PCDHA9: variants seen among roughly 807,000 people sequenced by gnomAD.
The protein encoded by PCDHA9 is protocadherin alpha 9, also known as protocadherin alpha-9.
In PCDHA9, 62 loss-of-function variants were observed where a neutral mutation model predicts 62.0. The ratio of observed to expected loss-of-function variants is 1.00; its 90% CI spans 0.81 to 1.23. The LOEUF (loss-of-function observed/expected upper bound fraction) is 1.23, where lower values mean the gene tolerates loss of function less well. PCDHA9 is among the 50% of genes most tolerant of loss of function. The probability of loss-of-function intolerance (pLI) is 0.00; values close to 1 mark genes in which losing one functional copy is unlikely to be tolerated. For missense variants in PCDHA9, 1,205 were observed against 1,249.8 expected (o/e 0.96, Z 0.54); for synonymous variants, 557 against 567.6 (o/e 0.98, Z 0.27).
rs2040583064 is a variant in PCDHA9, at chr5:140,848,750, T to A, written c.255T>A (p.Phe85Leu). ...LEVNLQNGIL[F>L]VNSRIDREEL... ...TAAATCTGCAGAATGGCATTTTGTT[T>A]GTGAATTCTCGGATCGACCGCGAGG... is the stretch of plus-strand genomic sequence containing the variant. Residue 85 changes from phenylalanine to leucine, a missense_variant, in exon 1 of 4, where the codon TTT becomes TTA. Phe to Leu is a conservative substitution (Grantham distance 22). Around this residue, in one of 3 missense-constraint regions of PCDHA9, gnomAD observed 208 missense variants for 213.2 expected, o/e 0.98. Coordinates refer to ENST00000532602, the MANE Select transcript of PCDHA9 (RefSeq NM_031857.2). 5 of 1,593,288 alleles carry A rather than the reference T, an allele frequency of 3.1e-6. 1 individual carries two copies. The highest frequency in any genetic ancestry group is 4.3e-6 in the Non-Finnish European group (5 of 1,163,954).
At chr5:140,870,618 C>A in intron 1 of PCDHA9, 1 of 1,613,174 alleles carries the variant, frequency 6.2e-7, no homozygotes, top group Non-Finnish European at 8.5e-7. Context: ...CGCTGTCGAG[C>A]TACGTGTCGG....
intron 1 of PCDHA9, chr5:140,856,230 G>C (rs17844339): frequency 1.3e-6 from 2 of 1,597,950 alleles, no homozygotes; most frequent in African/African-American, 1.3e-5. Flanking sequence ...CTGGTGCAGC[G>C]CCTGTTCCGG....
chr5:140,884,586 G>A (rs782106355), intron 1 of PCDHA9: 1 of 1,614,250 alleles, frequency 6.2e-7, no homozygotes, highest in Admixed American at 1.7e-5. Flanking sequence ...ATGGCCTTCA[G>A]TCCCAGCCTT....
At chr5:141,005,861 C>T (rs921854027) in intron 3 of PCDHA9, among the ~76,000 whole-genome samples, 2 of 151,860 alleles carry the variant, frequency 1.3e-5, no homozygotes, top group Admixed American at 6.6e-5. Flanking sequence ...ACAGGAGGGT[C>T]GATTGAGTCC....
At chr5:140,879,329 T>A (rs2057946411) in intron 1 of PCDHA9, among the ~76,000 whole-genome samples, 1 of 152,182 alleles carries the variant, frequency 6.6e-6, no homozygotes, top group Non-Finnish European at 1.5e-5. Context: ...ACTTTTTTAG[T>A]TTGTTCAGCT....
chr5:140,888,606 G>A (rs2061900283), intron 1 of PCDHA9, among the ~76,000 whole-genome samples: 2 of 152,180 alleles, frequency 1.3e-5, no homozygotes, highest in African/African-American at 4.8e-5. Context: ...GCAGCTTTTA[G>A]TGTAGCACTA....
At chr5:140,979,063 A>G (rs1245308340) in intron 2 of PCDHA9, 56 bp downstream of exon 2, 3 of 1,604,438 alleles carry the variant, frequency 1.9e-6, no homozygotes, top group East Asian at 4.5e-5. Context: ...TATGGCTCAG[A>G]TAAACTGCAT....
At chr5:141,000,422 T>TATC (rs1491457105) in intron 3 of PCDHA9, among the ~76,000 whole-genome samples, 2 of 51,852 alleles carry the variant, frequency 3.9e-5, no homozygotes, top group African/African-American at 1.7e-4. Context: ...TATATATATA[T>TATC]TTTTTTTTTT....
chr5:140,932,493 T>C (rs148938081), intron 1 of PCDHA9, among the ~76,000 whole-genome samples: 1 of 151,888 alleles, frequency 6.6e-6, no homozygotes, highest in Non-Finnish European at 1.5e-5. Flanking sequence ...CTTTGCAATG[T>C]CATTTGTTAA....
rs1554169929 is a variant in PCDHA9 at position 140,877,625 on chromosome 5, A to G, written c.2394+26736A>G. On this transcript the variant is annotated intron_variant, in intron 1 of 3. Coordinates refer to ENST00000532602, the MANE Select transcript of PCDHA9 (RefSeq NM_031857.2). ...CTGCTGGTGCTCACGCTGCTGCTGT[A>G]CACTGCGCTGCGTTGCTCAGCGCCG... 6.2e-7 allele frequency: 1 copy of G among 1,613,774 alleles called. No individual in the cohort carries two copies. Among genetic ancestry groups the G allele is most frequent in the Non-Finnish European group, 8.5e-7 (1 of 1,179,852 alleles).
At chr5:140,993,793 T>C (rs2097582526) in intron 3 of PCDHA9, among the ~76,000 whole-genome samples, 1 of 152,184 alleles carries the variant, frequency 6.6e-6, no homozygotes, top group African/African-American at 2.4e-5. Context: ...TAACATGCTG[T>C]GCAGGTTTGT....
intron 1 of PCDHA9, among the ~76,000 whole-genome samples, chr5:140,899,834 G>T (rs181729880): frequency 6.6e-6 from 1 of 152,198 alleles, no homozygotes; most frequent in Admixed American, 6.5e-5. Context: ...TTTGAGACAG[G>T]TCTTGCTGTG....
At chr5:140,960,400 G>T (rs566510688) in intron 1 of PCDHA9, among the ~76,000 whole-genome samples, 4 of 152,114 alleles carry the variant, frequency 2.6e-5, no homozygotes, top group African/African-American at 9.6e-5. Context: ...ATGCAAGGGG[G>T]GGTGCCCAAA....
chr5:140,854,841 T>C (rs2043239245), intron 1 of PCDHA9, among the ~76,000 whole-genome samples: 1 of 149,832 alleles, frequency 6.7e-6, no homozygotes, highest in South Asian at 2.1e-4. Context: ...TTCACTGACA[T>C]TGATAAAATT....
intron 1 of PCDHA9, among the ~76,000 whole-genome samples, chr5:140,921,151 AT>A (rs11299094): frequency 0.63 from 94,902 of 151,506 alleles, 30,179 homozygotes; most frequent in African/African-American, 0.71. Flanking sequence ...CAGCTAATGC[AT>A]TTTTTTTTTA....
intron 1 of PCDHA9, among the ~76,000 whole-genome samples, chr5:140,959,410 T>C (rs564453268): frequency 6.6e-5 from 10 of 152,300 alleles, no homozygotes; most frequent in Non-Finnish European, 1.3e-4. Flanking sequence ...AAGTGTTGAT[T>C]GATCTGAGAA....
At chr5:140,872,485 G>A (rs978511800) in intron 1 of PCDHA9, among the ~76,000 whole-genome samples, 1 of 152,080 alleles carries the variant, frequency 6.6e-6, no homozygotes, top group Non-Finnish European at 1.5e-5. Flanking sequence ...AAATTAGCCA[G>A]ACCTAGTGGT....
At chr5:140,915,533 G>C (rs1200323853) in intron 1 of PCDHA9, among the ~76,000 whole-genome samples, 1 of 152,018 alleles carries the variant, frequency 6.6e-6, no homozygotes, top group Non-Finnish European at 1.5e-5. Flanking sequence ...GTACCATCTT[G>C]GAGGTCTTGA....
chr5:140,863,128 C>A, intron 1 of PCDHA9: 1 of 598,142 alleles, frequency 1.7e-6, no homozygotes, highest in South Asian at 1.4e-5. Flanking sequence ...TACGCGCCAC[C>A]GCCTGCTGGT....
Sources: gnomAD v4.1 joint callset for allele counts (sites outside exome capture counted in the v4.1 genomes callset) on GRCh38, gnomAD v4.1.1 for gene constraint, gnomAD v4.1.1 regional missense constraint, MANE v1.5 for transcripts, NCBI Gene and HGNC (gene_info 2026-07-23, HGNC 2026-07-21) for gene names.